Variants in PCGF6 observed in about 807,000 individuals in gnomAD.
PCGF6 encodes the protein polycomb group RING finger protein 6.
PCGF6 carries 24 observed loss-of-function variants against 45.5 expected under a neutral mutation model. The observed-to-expected ratio is 0.53, with a 90% CI of 0.38 to 0.74. The LOEUF is 0.74. PCGF6 is among the 30% of genes least tolerant of loss of function. PCGF6 has a pLI of 0.00. For synonymous variants in PCGF6, 152 were observed against 162.1 expected (o/e 0.94, Z 0.47); for missense variants, 356 against 443.2 (o/e 0.80, Z 1.77).
At chr10:103,323,176 T>C (rs1273020363) in intron 8 of PCGF6, among the ~76,000 whole-genome samples, 2 of 152,208 alleles carry the variant, frequency 1.3e-5, no homozygotes, top group Non-Finnish European at 2.9e-5. Flanking sequence ...CATTTCTAGT[T>C]TTCAGCTGCC....
chr10:103,344,048 C>T (rs953334422), intron 6 of PCGF6, among the ~76,000 whole-genome samples: 5 of 151,726 alleles, frequency 3.3e-5, no homozygotes, highest in African/African-American at 7.3e-5. Flanking sequence ...CCTAAATATT[C>T]AACAGAACAG....
chr10:103,340,180 G>GAAAAAAAAAAA (rs58312332), intron 6 of PCGF6, among the ~76,000 whole-genome samples: 1 of 72,234 alleles, frequency 1.4e-5, no homozygotes, highest in Non-Finnish European at 2.5e-5. Context: ...CTGTCTCAGG[G>GAAAAAAAAAAA]AAAAAAAAAA....
chr10:103,349,813 T>C (rs1412648034), intron 1 of PCGF6, among the ~76,000 whole-genome samples: 1 of 148,510 alleles, frequency 6.7e-6, no homozygotes, highest in Non-Finnish European at 1.5e-5. Context: ...CTGGGCGCAG[T>C]GGCTCACGCC....
chr10:103,312,233 A>C (rs952597260), intron 9 of PCGF6, among the ~76,000 whole-genome samples: 6 of 151,888 alleles, frequency 4.0e-5, no homozygotes, highest in Admixed American at 2.0e-4. Flanking sequence ...CTCTATTAAA[A>C]ATACAAAAAA....
chr10:103,327,573 T>C (rs948906962), intron 7 of PCGF6, among the ~76,000 whole-genome samples: 1 of 152,180 alleles, frequency 6.6e-6, no homozygotes, highest in Non-Finnish European at 1.5e-5. Flanking sequence ...AACATGAATT[T>C]ATAATTATTG....
intron 9 of PCGF6, among the ~76,000 whole-genome samples, chr10:103,306,588 C>T (rs2093139092): frequency 6.6e-6 from 1 of 152,190 alleles, no homozygotes; most frequent in Admixed American, 6.5e-5. Flanking sequence ...TAAGCTTTTC[C>T]ATGGCTCCAC....
intron 7 of PCGF6, among the ~76,000 whole-genome samples, chr10:103,327,663 TTC>T (rs926347065): frequency 9.9e-5 from 15 of 151,920 alleles, no homozygotes; most frequent in African/African-American, 3.6e-4. Context: ...ATAAAGGGAA[TTC>T]TTTTTTTTTT....
At chr10:103,319,996 TG>T (rs2093191119) in intron 8 of PCGF6, among the ~76,000 whole-genome samples, 1 of 151,470 alleles carries the variant, frequency 6.6e-6, no homozygotes, top group Non-Finnish European at 1.5e-5. Context: ...TTAGTAGAGA[TG>T]GGGTTTCACC....
chr10:103,349,818 C>A (rs575271961), intron 1 of PCGF6, among the ~76,000 whole-genome samples: 16 of 151,016 alleles, frequency 1.1e-4, no homozygotes, highest in Middle Eastern at 3.4e-3. Context: ...CGCAGTGGCT[C>A]ACGCCTGTAA....
intron 6 of PCGF6, among the ~76,000 whole-genome samples, chr10:103,334,416 CATT>C (rs2093249673): frequency 6.6e-6 from 1 of 152,130 alleles, no homozygotes; most frequent in South Asian, 2.1e-4. Context: ...GTATATAATA[CATT>C]ATTAACTGTA....
chr10:103,339,606 T>A (rs1490935320), intron 6 of PCGF6, among the ~76,000 whole-genome samples: 33 of 129,676 alleles, frequency 2.5e-4, no homozygotes, highest in Middle Eastern at 6.8e-3. Context: ...CTGGCCAACA[T>A]GGTGAAACCC....
At chr10:103,320,008 A>C (rs1037151782) in intron 8 of PCGF6, among the ~76,000 whole-genome samples, 3 of 152,034 alleles carry the variant, frequency 2.0e-5, no homozygotes, top group Non-Finnish European at 4.4e-5. Context: ...GGGTTTCACC[A>C]TGTGGGCCAG....
chr10:103,305,652 C>G (rs6584547), intron 9 of PCGF6, among the ~76,000 whole-genome samples: 4 of 151,912 alleles, frequency 2.6e-5, no homozygotes, highest in African/African-American at 9.7e-5. Context: ...GATCTGTTCA[C>G]TTCCACATAA....
intron 7 of PCGF6, among the ~76,000 whole-genome samples, chr10:103,327,524 A>G (rs1299062416): frequency 1.3e-5 from 2 of 152,168 alleles, no homozygotes; most frequent in African/African-American, 4.8e-5. Context: ...AATTTAAAAA[A>G]CTGTAGTATC....
chr10:103,318,595 A>T (rs2093184794), intron 8 of PCGF6, among the ~76,000 whole-genome samples: 1 of 151,818 alleles, frequency 6.6e-6, no homozygotes, highest in African/African-American at 2.4e-5. Flanking sequence ...ATACAAAAAA[A>T]TTAGCCGGGC....
At chr10:103,313,651 T>C (rs1001086881) in intron 9 of PCGF6, among the ~76,000 whole-genome samples, 1 of 152,166 alleles carries the variant, frequency 6.6e-6, no homozygotes, top group African/African-American at 2.4e-5. Flanking sequence ...TTAAGAAAGT[T>C]TATGAATTTG....
Position 103,348,739 on chromosome 10 carries a change from C to T in PCGF6, c.534G>A (p.Gln178=). 1.3e-6 allele frequency: 2 copies of T among 1,598,808 alleles called. No individual in the cohort carries two copies. Among genetic ancestry groups the T allele is most frequent in the South Asian group, 2.2e-5 (2 of 89,790 alleles). ...RCPKCNIVVH[Q]TQPLYNIRLD... ...ACCTTATGTTATAAAGAGGTTGTGTCTGATGTACTACTATATTGCATTTTG... is the reference window on the plus strand; with the variant it reads ...ACCTTATGTTATAAAGAGGTTGTGTTTGATGTACTACTATATTGCATTTTG... The change falls in exon 3 of 10, where the codon CAG becomes CAA. Residue 178 remains glutamine, a synonymous_variant. Transcript: ENST00000369847.
intron 6 of PCGF6, among the ~76,000 whole-genome samples, chr10:103,340,348 G>T (rs2093276392): frequency 6.6e-6 from 1 of 151,574 alleles, no homozygotes. Context: ...TCTACAGCAG[G>T]AAATGCATTA....
intron 9 of PCGF6, among the ~76,000 whole-genome samples, chr10:103,308,697 C>A (rs1273995517): frequency 6.6e-6 from 1 of 151,902 alleles, no homozygotes; most frequent in Non-Finnish European, 1.5e-5. Context: ...CATGGTAAAA[C>A]CCCATCTCTA....
Sources: allele counts gnomAD v4.1 joint callset (sites outside exome capture counted in the v4.1 genomes callset), GRCh38; gene constraint gnomAD v4.1.1; transcripts MANE v1.5; gene names NCBI Gene and HGNC (gene_info 2026-07-23, HGNC 2026-07-21).